GDAP1L1: variants seen among roughly 807,000 people sequenced by gnomAD.
GDAP1L1 encodes ganglioside-induced differentiation-associated protein 1-like 1.
A neutral mutation model predicts 37.1 loss-of-function variants in GDAP1L1; 21 were observed. The ratio of observed to expected loss-of-function variants is 0.57; its 90% CI spans 0.40 to 0.81. GDAP1L1 has a LOEUF of 0.81. Ranked by LOEUF, GDAP1L1 falls within the 40% of genes least tolerant of loss-of-function variation. The probability of loss-of-function intolerance (pLI) is 0.00; values close to 1 mark genes in which losing one functional copy is unlikely to be tolerated. For synonymous variants in GDAP1L1, 193 were observed against 209.1 expected, an observed-to-expected ratio of 0.92 and a Z score of 0.67; for missense variants, 362 against 491.6, an observed-to-expected ratio of 0.74 and a Z score of 2.49.
At chr20:44,270,811 C>G (rs977690572) in intron 5 of GDAP1L1, among the ~76,000 whole-genome samples, 1 of 152,178 alleles carries the variant, frequency 6.6e-6, no homozygotes, top group Non-Finnish European at 1.5e-5. Flanking sequence ...AAAGAGAAGA[C>G]GCAGAAGCCA....
Position 44,280,077 on chromosome 20 carries a change from G to A in GDAP1L1, c.*777G>A, listed in dbSNP as rs2062625560. On this transcript the variant is annotated 3_prime_UTR_variant, in exon 6 of 6. Transcript: ENST00000342560. ...AAGCCATGTTGACCCTCTCTCAGAA[G>A]GTCAGTCCAGCCCAAGTGCAGGGGC... is the stretch of plus-strand genomic sequence containing the variant. 2 of 327,132 alleles carry A rather than the reference G, an allele frequency of 6.1e-6. No homozygotes were observed. Among genetic ancestry groups the A allele is most frequent in the African/African-American group, 2.2e-5 (1 of 46,356 alleles). 20.3% of individuals were successfully genotyped at this position (327,132 alleles called of 1,614,324 possible).
chr20:44,254,627 C>T (rs77651928), intron 1 of GDAP1L1, among the ~76,000 whole-genome samples: 1 of 152,360 alleles, frequency 6.6e-6, no homozygotes, highest in East Asian at 1.9e-4. Flanking sequence ...AGTGATAGCT[C>T]TAAGGTCACA....
At chr20:44,259,219 G>T (rs943631963) in intron 3 of GDAP1L1, among the ~76,000 whole-genome samples, 3 of 152,190 alleles carry the variant, frequency 2.0e-5, no homozygotes, top group Admixed American at 6.5e-5. Flanking sequence ...TCATCCTTTT[G>T]TATCTGACAC....
rs1033839244 is a variant in GDAP1L1 at position 44,279,953 on chromosome 20, T to C, written c.*653T>C. 4 of 361,152 alleles carry C rather than the reference T, an allele frequency of 1.1e-5. No homozygotes were observed. The highest frequency in any genetic ancestry group is 6.4e-5 in the African/African-American group (3 of 46,820). 22.4% of individuals were successfully genotyped at this position (361,152 alleles called of 1,614,324 possible). A position where few individuals can be genotyped will look rare whatever the true frequency, so the allele number is the denominator to read the frequency against. On this transcript the variant is annotated 3_prime_UTR_variant, in exon 6 of 6. Coordinates refer to ENST00000342560, the MANE Select transcript of GDAP1L1 (RefSeq NM_024034.6). ...CTCATTGTCCTTCTGATTTGGTCCA[T>C]GTGTTGGGTTTGGCCTTAGTAGAAA... is the stretch of plus-strand genomic sequence containing the variant.
chr20:44,276,287 A>G (rs1418628412), intron 5 of GDAP1L1, among the ~76,000 whole-genome samples: 1 of 151,530 alleles, frequency 6.6e-6, no homozygotes, highest in Non-Finnish European at 1.5e-5. Context: ...GTGAGCCAAG[A>G]TTGCACCACT....
At chr20:44,259,275 G>A (rs1039281296) in intron 3 of GDAP1L1, among the ~76,000 whole-genome samples, 2 of 152,182 alleles carry the variant, frequency 1.3e-5, no homozygotes, top group African/African-American at 4.8e-5. Flanking sequence ...CTCAGCAGCT[G>A]TTTACAGACT....
chr20:44,258,594 G>A lies in GDAP1L1; in HGVS notation c.534G>A (p.Thr178=), dbSNP rs549717465. ...TTDSMIPKYA[T]AEIRRHLANA... is the part of the protein sequence containing the mutation. ...ACTCCATGATCCCCAAGTACGCCAC[G>A]GCCGAGATCCGCAGTGAGTGCCAGG... is the stretch of plus-strand genomic sequence containing the variant. Residue 178 remains threonine (T), a synonymous_variant, in exon 3 of 6, where the codon ACG becomes ACA. Coordinates refer to ENST00000342560, the MANE Select transcript of GDAP1L1 (RefSeq NM_024034.6). 60 of 1,600,926 alleles carry A rather than the reference G, an allele frequency of 3.7e-5. No individual in the cohort carries two copies. The South Asian group carries it at 5.1e-4, about 14-fold the overall frequency.
intron 1 of GDAP1L1, 85 bp from the exon 2 acceptor site, chr20:44,257,068 T>A: frequency 7.2e-7 from 1 of 1,384,294 alleles, no homozygotes; most frequent in Non-Finnish European, 9.6e-7. Context: ...ACCTCTGACC[T>A]CCCTCCCCGC....
At chr20:44,259,987 C>G (rs895202274) in intron 3 of GDAP1L1, among the ~76,000 whole-genome samples, 1 of 152,176 alleles carries the variant, frequency 6.6e-6, no homozygotes, top group Non-Finnish European at 1.5e-5. Context: ...TTTGAATGCG[C>G]TCTCAGGAGG....
intron 3 of GDAP1L1, among the ~76,000 whole-genome samples, chr20:44,259,360 G>A (rs1457976840): frequency 1.3e-5 from 2 of 152,176 alleles, no homozygotes; most frequent in South Asian, 4.1e-4. Context: ...TAGATAATAG[G>A]TGCTCAGTGA....
chr20:44,255,313 A>C (rs552999857), intron 1 of GDAP1L1, among the ~76,000 whole-genome samples: 1 of 152,182 alleles, frequency 6.6e-6, no homozygotes, highest in East Asian at 1.9e-4. Flanking sequence ...AGGTCAAGAC[A>C]GGTGGATCGC....
Position 44,247,395 on chromosome 20 carries a change from G to C in GDAP1L1, c.61G>C (p.Glu21Gln), listed in dbSNP as rs780091513. The change falls in exon 1 of 6, where the codon GAG becomes CAG. Residue 21 changes from glutamate to glutamine, a missense_variant. By Grantham distance (29) the Glu-to-Gln change is conservative. This residue lies in a region of GDAP1L1 where 277 missense variants were observed against 337.1 expected (regional missense o/e 0.82). Coordinates refer to ENST00000342560, the MANE Select transcript of GDAP1L1 (RefSeq NM_024034.6). ...CAGCTGGTGGCCCATCTCCGCGCTG[G>C]AGAGCGATGCGGCCAAGCCAGCGGA... ...NCSWWPISALESDAAKPAEAP... is the reference protein window; with the variant it reads ...NCSWWPISALQSDAAKPAEAP... The C allele has an allele frequency of 1.2e-6, 2 of 1,613,186 alleles. No individual in the cohort carries two copies. Among genetic ancestry groups the C allele is most frequent in the Non-Finnish European group, 1.7e-6 (2 of 1,179,866 alleles).
intron 1 of GDAP1L1, among the ~76,000 whole-genome samples, chr20:44,251,873 C>T (rs1024621635): frequency 2.6e-5 from 4 of 152,102 alleles, no homozygotes; most frequent in Non-Finnish European, 4.4e-5. Flanking sequence ...TGAAGTACGG[C>T]GTTATATAAT....
rs765041901 is a variant in GDAP1L1 at position 44,264,453 on chromosome 20, C to A, written c.654C>A (p.Ile218=). ...LSKQKKLMAK[I]LEHDDVSYLK... ...CCCTGTCCTGCCCCCAGGCCAAGAT[C>A]TTGGAGCATGATGATGTGAGCTACC... is the stretch of plus-strand genomic sequence containing the variant. Residue 218 remains isoleucine, a synonymous_variant, in exon 5 of 6, where the codon ATC becomes ATA. Transcript: ENST00000342560. 19 of 1,505,914 alleles carry A rather than the reference C, an allele frequency of 1.3e-5. No homozygotes were observed. Among genetic ancestry groups the A allele is most frequent in the Admixed American group, 2.2e-5 (1 of 45,826 alleles). The allele number at this position is 1,505,914 out of a possible 1,614,324, so 93.3% of individuals were successfully genotyped here.
chr20:44,248,548 T>C (rs1198996427), intron 1 of GDAP1L1, among the ~76,000 whole-genome samples: 1 of 152,254 alleles, frequency 6.6e-6, no homozygotes, highest in Non-Finnish European at 1.5e-5. Flanking sequence ...CATTTCATCA[T>C]CTGGAAAGCG....
In GDAP1L1 at chr20:44,264,510, G is replaced by T. The variant is rs551465123; in HGVS notation, c.711G>T (p.Val237=). ...AGATCCTCGGGGAACTGGCCATGGTGCTGGACCAGATTGAGGCGGAGCTGG... is the reference window on the plus strand; with the variant it reads ...AGATCCTCGGGGAACTGGCCATGGTTCTGGACCAGATTGAGGCGGAGCTGG... ...LKKILGELAM[V]LDQIEAELEK... is the part of the protein sequence containing the mutation. The change falls in exon 5 of 6, where the codon GTG becomes GTT. Residue 237 remains valine, a synonymous_variant. Transcript: ENST00000342560. 15 of 1,596,998 alleles carry T rather than the reference G, an allele frequency of 9.4e-6. No individual in the cohort carries two copies. Among genetic ancestry groups the T allele is most frequent in the African/African-American group, 4.0e-5 (3 of 74,280 alleles).
chr20:44,248,893 C>A (rs1377818411), intron 1 of GDAP1L1, among the ~76,000 whole-genome samples: 1 of 152,186 alleles, frequency 6.6e-6, no homozygotes, highest in Non-Finnish European at 1.5e-5. Flanking sequence ...TCCAAAGCCT[C>A]AGCTTTATAA....
At chr20:44,257,530 C>T (rs529162437) in intron 2 of GDAP1L1, among the ~76,000 whole-genome samples, 185 bp downstream of exon 2, 29 of 152,222 alleles carry the variant, frequency 1.9e-4, no homozygotes, top group African/African-American at 7.0e-4. Flanking sequence ...CCCAGAGCCC[C>T]AGAGCCACAG....
intron 5 of GDAP1L1, 23 bp from the exon 6 acceptor site, chr20:44,278,934 G>T (rs2062612659): frequency 6.5e-7 from 1 of 1,537,280 alleles, no homozygotes; most frequent in Non-Finnish European, 9.0e-7. Flanking sequence ...TGATCCCCTT[G>T]CCTCCTCTTT....
Sources: gnomAD v4.1 joint callset for allele counts (sites outside exome capture counted in the v4.1 genomes callset) on GRCh38, gnomAD v4.1.1 for gene constraint, gnomAD v4.1.1 regional missense constraint, MANE v1.5 for transcripts, NCBI Gene and HGNC (gene_info 2026-07-23, HGNC 2026-07-21) for gene names.